Variants in GALNT14 observed in about 807,000 individuals in gnomAD.
GALNT14 encodes UDP-GalNAc:polypeptide N-acetylgalactosaminyltransferase 14.
GALNT14 carries 60 observed loss-of-function variants against 77.5 expected under a neutral mutation model. That is an observed-to-expected ratio of 0.77 (90% confidence interval 0.63 to 0.96). GALNT14 has a LOEUF of 0.96. Among genes scored for constraint, GALNT14 ranks in the 40% least tolerant of loss-of-function variants. GALNT14 has a pLI of 0.00. For missense variants in GALNT14, 710 were observed against 731.0 expected, an observed-to-expected ratio of 0.97 and a Z score of 0.33; for synonymous variants, 280 against 281.7, an observed-to-expected ratio of 0.99 and a Z score of 0.06.
At chr2:30,887,478 T>C in the GALNT14 span, among the ~76,000 whole-genome samples, 1 of 152,264 alleles carries the variant, frequency 6.6e-6, no homozygotes, top group African/African-American at 2.4e-5. Context: ...ATTAATAATG[T>C]TGAGCATCTT....
the GALNT14 span, among the ~76,000 whole-genome samples, chr2:30,899,813 C>T: frequency 2.0e-5 from 3 of 152,200 alleles, no homozygotes; most frequent in Non-Finnish European, 4.4e-5. Context: ...GTTGGGCCGC[C>T]AGAGTCCACA....
intron 1 of GALNT14, among the ~76,000 whole-genome samples, chr2:31,092,734 A>C (rs924315495): frequency 6.6e-6 from 1 of 152,226 alleles, no homozygotes; most frequent in Non-Finnish European, 1.5e-5. Flanking sequence ...CTGTCATTAC[A>C]TGTATTCACA....
At chr2:30,953,939 G>T (rs921670271) in intron 6 of GALNT14, among the ~76,000 whole-genome samples, 1 of 152,056 alleles carries the variant, frequency 6.6e-6, no homozygotes, top group Non-Finnish European at 1.5e-5. Context: ...TGACAGGCAG[G>T]GTGGCCACAA....
At chr2:30,903,286 G>C in the GALNT14 span, among the ~76,000 whole-genome samples, 9 of 152,260 alleles carry the variant, frequency 5.9e-5, no homozygotes, top group African/African-American at 9.6e-5. Context: ...AACAGTTCCT[G>C]TGGTTGGCAG....
chr2:31,069,446 C>T (rs528053597), intron 1 of GALNT14, among the ~76,000 whole-genome samples: 1 of 152,348 alleles, frequency 6.6e-6, no homozygotes, highest in Non-Finnish European at 1.5e-5. Flanking sequence ...TTATTCTTCA[C>T]AATAGCCCTA....
At chr2:31,084,745 C>T (rs1676330762) in intron 1 of GALNT14, among the ~76,000 whole-genome samples, 1 of 152,152 alleles carries the variant, frequency 6.6e-6, no homozygotes, top group Non-Finnish European at 1.5e-5. Flanking sequence ...AGTGTGTGGC[C>T]GAGTGCAGTG....
intron 1 of GALNT14, among the ~76,000 whole-genome samples, chr2:31,123,130 C>T (rs576711203): frequency 7.8e-4 from 104 of 133,558 alleles, no homozygotes; most frequent in South Asian, 1.9e-3. Flanking sequence ...TGCAGTGAGC[C>T]GAGGTGGCAC....
Position 30,932,290 on chromosome 2 carries a change from C to T in GALNT14, c.932-96G>A, listed in dbSNP as rs181159970. 109 of 1,210,222 alleles carry T rather than the reference C, an allele frequency of 9.0e-5. No individual in the cohort carries two copies. The Admixed American group carries it at 1.4e-3, about 16-fold the overall frequency. The allele number at this position is 1,210,222 out of a possible 1,614,324, so 75.0% of individuals were successfully genotyped here. ...TGAAACGGTGAGGCCCCCGCAGAGGCGAAAGAACAGACTCTGCAGCCAGTC... is the reference window on the plus strand; with the variant it reads ...TGAAACGGTGAGGCCCCCGCAGAGGTGAAAGAACAGACTCTGCAGCCAGTC... On this transcript the variant is annotated intron_variant, in intron 9 of 14. Transcript: ENST00000349752.
intron 1 of GALNT14, among the ~76,000 whole-genome samples, chr2:31,005,383 T>C (rs1405379447): frequency 6.6e-6 from 1 of 152,164 alleles, no homozygotes; most frequent in Admixed American, 6.5e-5. Flanking sequence ...ATATCCTTTC[T>C]GGTCAGTTTC....
At chr2:31,126,478 T>C (rs1368496452) in intron 1 of GALNT14, among the ~76,000 whole-genome samples, 4 of 152,124 alleles carry the variant, frequency 2.6e-5, no homozygotes, top group Non-Finnish European at 5.9e-5. Flanking sequence ...GTTCGTCACA[T>C]GAAAAACCAA....
At position 31,003,335 on chromosome 2, in the gene GALNT14, C is replaced by T. The variant is rs141728872; in HGVS notation, c.130-10328G>A. Among the ~76,000 whole-genome samples the T allele has an allele frequency of 1.5e-4, 23 of 152,316 alleles. No individual in the cohort carries two copies. In the East Asian group the frequency reaches 4.1e-3, roughly 27 times the overall value. On this transcript the variant is annotated intron_variant, in intron 1 of 14. Transcript: ENST00000349752. ...ATTTCTCGCACCAAATGAGGTAGCACATAATTCAGCAGGGATGAGTTTACT... is the reference window on the plus strand; with the variant it reads ...ATTTCTCGCACCAAATGAGGTAGCATATAATTCAGCAGGGATGAGTTTACT...
At chr2:31,035,148 A>G (rs1023292075) in intron 1 of GALNT14, among the ~76,000 whole-genome samples, 1 of 152,098 alleles carries the variant, frequency 6.6e-6, no homozygotes, top group African/African-American at 2.4e-5. Flanking sequence ...TAGTATTACT[A>G]TTTCCTTGTT....
chr2:31,040,322 T>C (rs1482760564), intron 1 of GALNT14, among the ~76,000 whole-genome samples: 1 of 152,190 alleles, frequency 6.6e-6, no homozygotes, highest in Non-Finnish European at 1.5e-5. Context: ...TGTCCTAGCC[T>C]CAGAGGTTAT....
intron 1 of GALNT14, among the ~76,000 whole-genome samples, chr2:31,038,082 ATATTTTTTTTTTTTT>A (rs1299328222): frequency 0.02 from 1,391 of 70,156 alleles, 90 homozygotes; most frequent in African/African-American, 0.083. Context: ...ATATATATAT[ATATTTTTTTTTTTTT>A]TTTTTTTTTT....
the GALNT14 span, among the ~76,000 whole-genome samples, chr2:30,894,210 A>G: frequency 6.6e-6 from 1 of 152,174 alleles, no homozygotes; most frequent in African/African-American, 2.4e-5. Flanking sequence ...CTCTCACAGC[A>G]GTTACAGGCA....
chr2:30,924,028 G>T, intron 13 of GALNT14, 91 bp downstream of exon 13: 2 of 1,401,736 alleles, frequency 1.4e-6, no homozygotes, highest in South Asian at 1.2e-5. Flanking sequence ...GGCATCTGAT[G>T]TCATGTAAGA....
chr2:30,986,344 C>T (rs1029302247), intron 2 of GALNT14, among the ~76,000 whole-genome samples: 13 of 152,204 alleles, frequency 8.5e-5, no homozygotes, highest in Admixed American at 2.6e-4. Context: ...CCATAATAGG[C>T]GCTGCTAGCA....
chr2:30,995,279 C>T (rs59602476), intron 1 of GALNT14, among the ~76,000 whole-genome samples: 55,301 of 151,746 alleles, frequency 0.36, 10,400 homozygotes, highest in Middle Eastern at 0.51. Context: ...ACTGTATGTT[C>T]GCTGTACCTT....
chr2:31,060,300 C>T (rs146284694), intron 1 of GALNT14, among the ~76,000 whole-genome samples: 2 of 152,260 alleles, frequency 1.3e-5, no homozygotes, highest in African/African-American at 2.4e-5. Flanking sequence ...CTGTGGTCTC[C>T]ACTTTGCCAA....
Sources: allele counts gnomAD v4.1 joint callset (sites outside exome capture counted in the v4.1 genomes callset), GRCh38; gene constraint gnomAD v4.1.1; transcripts MANE v1.5; gene names NCBI Gene and HGNC (gene_info 2026-07-23, HGNC 2026-07-21).